Variants in FAT4 observed in about 807,000 individuals in gnomAD.
FAT4 encodes protocadherin Fat 4.
FAT4 carries 84 observed loss-of-function variants against 303.9 expected under a neutral mutation model. The ratio of observed to expected loss-of-function variants is 0.28; its 90% CI spans 0.23 to 0.33. The LOEUF is 0.33. Among genes scored for constraint, FAT4 ranks in the 10% least tolerant of loss-of-function variants. FAT4 has a pLI of 1.00. For synonymous variants in FAT4, 2,307 were observed against 2,298.8 expected, an observed-to-expected ratio of 1.00 and a Z score of -0.10; for missense variants, 6,005 against 6,146.8, an observed-to-expected ratio of 0.98 and a Z score of 0.77.
chr4:125,320,481 C>T lies in FAT4; in HGVS notation c.4070C>T (p.Thr1357Ile). 6.2e-7 allele frequency: 1 copy of T among 1,614,078 alleles called. No individual in the cohort carries two copies. Among genetic ancestry groups the T allele is most frequent in the East Asian group, 2.2e-5 (1 of 44,876 alleles). Residue 1357 changes from threonine to isoleucine, a missense_variant, in exon 2 of 18, where the codon ACT (threonine) becomes ATT (isoleucine). Physicochemically the swap from Thr to Ile is moderately conservative, Grantham distance 89. Coordinates refer to ENST00000394329, the MANE Select transcript of FAT4 (RefSeq NM_001291303.3). ...NADLYYSITGTNNHGTFSISP... is the reference protein window; with the variant it reads ...NADLYYSITGINNHGTFSISP... ...GATTTATATTACAGTATTACTGGGA[C>T]TAACAACCACGGAACTTTTAGCATT...
At chr4:125,351,080 G>T (rs1179432607) in intron 2 of FAT4, among the ~76,000 whole-genome samples, 1 of 151,632 alleles carries the variant, frequency 6.6e-6, no homozygotes, top group African/African-American at 2.4e-5. Flanking sequence ...CTTAGTGGCC[G>T]CGTGATGTGA....
intron 8 of FAT4, among the ~76,000 whole-genome samples, chr4:125,439,285 C>G (rs1453748420): frequency 3.9e-5 from 6 of 151,910 alleles, no homozygotes; most frequent in Non-Finnish European, 8.8e-5. Flanking sequence ...ACCCTGGAGA[C>G]AGCCACAAAC....
intron 2 of FAT4, among the ~76,000 whole-genome samples, chr4:125,383,178 C>A (rs1036213919): frequency 2.6e-5 from 4 of 152,244 alleles, no homozygotes; most frequent in Non-Finnish European, 4.4e-5. Context: ...GCACAAGAGA[C>A]CTAGCTTTTG....
At chr4:125,444,127 A>G (rs1229712280) in intron 8 of FAT4, among the ~76,000 whole-genome samples, 1 of 152,196 alleles carries the variant, frequency 6.6e-6, no homozygotes, top group African/African-American at 2.4e-5. Context: ...CATAAAATTA[A>G]AAAATCAGAA....
chr4:125,490,588 C>T lies in FAT4; in HGVS notation c.13772C>T (p.Pro4591Leu). The T allele has an allele frequency of 2.5e-6, 4 of 1,614,092 alleles. No homozygotes were observed. The highest frequency in any genetic ancestry group is 1.3e-5 in the African/African-American group (1 of 75,010). The change falls in exon 18 of 18, where the codon CCC (proline) becomes CTC (leucine). Residue 4591 changes from proline to leucine, a missense_variant. By Grantham distance (98) the Pro-to-Leu change is moderately conservative (BLOSUM62 -3). Transcript: ENST00000394329. ...CCAGATATCATTGAAAGGGAAAACC[C>T]CTACCTTATCTATGATGAAACTGAT... ...PKPDIIEREN[P>L]YLIYDETDIP... is the part of the protein sequence containing the mutation.
At chr4:125,368,230 A>G (rs1219553946) in intron 2 of FAT4, among the ~76,000 whole-genome samples, 8 of 152,106 alleles carry the variant, frequency 5.3e-5, no homozygotes, top group Admixed American at 2.0e-4. Flanking sequence ...GTTTATGGAA[A>G]TAAAGCATTT....
At chr4:125,336,863 G>A in intron 2 of FAT4, among the ~76,000 whole-genome samples, 1 of 151,946 alleles carries the variant, frequency 6.6e-6, no homozygotes, top group East Asian at 1.9e-4. Context: ...TAGAGTGATA[G>A]GCGGGAACTC....
rs762984155 is a variant in FAT4 at position 125,468,537 on chromosome 4, G to A, written c.11931G>A (p.Leu3977=). The A allele has an allele frequency of 6.3e-7, 1 of 1,593,974 alleles. No individual in the cohort carries two copies. Among genetic ancestry groups the A allele is most frequent in the Non-Finnish European group, 8.6e-7 (1 of 1,166,330 alleles). ...PFGVFGKHCE[L]NSYGFEELSY... is the part of the protein sequence containing the mutation. The stretch of plus-strand genomic sequence containing the variant: ...GTGTCTTTGGAAAACACTGCGAGTT[G>A]AACAGTTATGGATTTGAGGAGTTAT... The change falls in exon 12 of 18, where the codon TTG becomes TTA. Residue 3977 remains leucine (L), a synonymous_variant. Coordinates refer to ENST00000394329, the MANE Select transcript of FAT4 (RefSeq NM_001291303.3).
intron 2 of FAT4, among the ~76,000 whole-genome samples, chr4:125,343,603 A>G (rs762641371): frequency 5.3e-5 from 8 of 152,182 alleles, no homozygotes; most frequent in Non-Finnish European, 8.8e-5. Flanking sequence ...GAGTTCGAGT[A>G]TTGACTACCT....
At chr4:125,478,993 C>T (rs1490953193) in intron 14 of FAT4, among the ~76,000 whole-genome samples, 1 of 152,058 alleles carries the variant, frequency 6.6e-6, no homozygotes, top group East Asian at 1.9e-4. Flanking sequence ...TCTAACTATT[C>T]TTCTTCTTGT....
chr4:125,373,999 T>C (rs1440322084), intron 2 of FAT4, among the ~76,000 whole-genome samples: 1 of 152,212 alleles, frequency 6.6e-6, no homozygotes, highest in East Asian at 1.9e-4. Flanking sequence ...TGTTATAGGG[T>C]GAAATGTTAG....
At chr4:125,348,112 A>G (rs1038180114) in intron 2 of FAT4, among the ~76,000 whole-genome samples, 7 of 151,774 alleles carry the variant, frequency 4.6e-5, no homozygotes, top group African/African-American at 1.7e-4. Flanking sequence ...ATATTTCTGA[A>G]CCTCGATTTC....
At chr4:125,321,638 C>A in intron 2 of FAT4, 52 bp downstream of exon 2, 2 of 1,495,588 alleles carry the variant, frequency 1.3e-6, no homozygotes, top group South Asian at 2.7e-5. Context: ...TTAGAAAAAT[C>A]ATTCTCTTTA....
chr4:125,341,258 A>G (rs1264793481), intron 2 of FAT4, among the ~76,000 whole-genome samples: 1 of 152,172 alleles, frequency 6.6e-6, no homozygotes, highest in Non-Finnish European at 1.5e-5. Context: ...CTAGGAAAGC[A>G]TATTTAAAAT....
At chr4:125,363,654 C>T (rs1732756138) in intron 2 of FAT4, among the ~76,000 whole-genome samples, 1 of 151,970 alleles carries the variant, frequency 6.6e-6, no homozygotes, top group Non-Finnish European at 1.5e-5. Flanking sequence ...TGCCACCACT[C>T]CTGGCTAATT....
chr4:125,461,484 G>A (rs1304193500), intron 10 of FAT4, among the ~76,000 whole-genome samples: 1 of 151,864 alleles, frequency 6.6e-6, no homozygotes, highest in Non-Finnish European at 1.5e-5. Flanking sequence ...ATTTCCAGTC[G>A]TTAAGAAGTG....
intron 2 of FAT4, among the ~76,000 whole-genome samples, chr4:125,369,484 A>G (rs1206096605): frequency 6.6e-6 from 1 of 152,180 alleles, no homozygotes; most frequent in Non-Finnish European, 1.5e-5. Context: ...ATGGCCAAGA[A>G]GAAAAATGCC....
At chr4:125,343,600 A>C (rs903387506) in intron 2 of FAT4, among the ~76,000 whole-genome samples, 6 of 152,172 alleles carry the variant, frequency 3.9e-5, no homozygotes, top group African/African-American at 1.4e-4. Context: ...TCTGAGTTCG[A>C]GTATTGACTA....
chr4:125,463,700 A>G, intron 11 of FAT4, 33 bp downstream of exon 11: 2 of 1,423,228 alleles, frequency 1.4e-6, no homozygotes, highest in Non-Finnish European at 9.5e-7. Flanking sequence ...TATAAAATAT[A>G]AGTTTATTTT....
Sources: gnomAD v4.1 joint callset for allele counts (sites outside exome capture counted in the v4.1 genomes callset) on GRCh38, gnomAD v4.1.1 for gene constraint, MANE v1.5 for transcripts, NCBI Gene and HGNC (gene_info 2026-07-23, HGNC 2026-07-21) for gene names.